Variants in CTIF observed in about 807,000 individuals in gnomAD.
CTIF encodes cap binding complex dependent translation initiation factor.
A neutral mutation model predicts 66.0 loss-of-function variants in CTIF; 21 were observed. The ratio of observed to expected loss-of-function variants is 0.32; its 90% CI spans 0.23 to 0.46. CTIF has a LOEUF of 0.46. Among genes scored for constraint, CTIF ranks in the 20% least tolerant of loss-of-function variants. CTIF has a pLI of 1.00. For missense variants in CTIF, 739 were observed against 812.7 expected (o/e 0.91, Z 1.10); for synonymous variants, 345 against 326.4 (o/e 1.06, Z -0.62).
At chr18:48,775,195 C>G (rs542340770) in intron 9 of CTIF, among the ~76,000 whole-genome samples, 12 of 152,308 alleles carry the variant, frequency 7.9e-5, no homozygotes, top group Admixed American at 3.3e-4. Flanking sequence ...CCTACACTTA[C>G]TCTTCTGTTA....
chr18:48,583,562 T>C (rs558546819), intron 1 of CTIF, among the ~76,000 whole-genome samples: 104 of 152,274 alleles, frequency 6.8e-4, no homozygotes, highest in African/African-American at 2.4e-3. Context: ...ACTCACACTT[T>C]GCTGTAATTA....
chr18:48,550,789 G>A (rs1194709299), intron 1 of CTIF, among the ~76,000 whole-genome samples: 2 of 152,136 alleles, frequency 1.3e-5, no homozygotes, highest in Non-Finnish European at 2.9e-5. Flanking sequence ...GGCTAGGGTG[G>A]TGCCGGCCAC....
intron 7 of CTIF, among the ~76,000 whole-genome samples, chr18:48,752,602 A>G (rs902973332): frequency 1.1e-4 from 16 of 152,122 alleles, no homozygotes; most frequent in Admixed American, 9.2e-4. Flanking sequence ...GACTCATGTA[A>G]TCCTTACAAC....
chr18:48,705,022 G>A (rs1216928039), intron 6 of CTIF, among the ~76,000 whole-genome samples: 2 of 152,176 alleles, frequency 1.3e-5, no homozygotes, highest in African/African-American at 4.8e-5. Context: ...GGCAGTGGTG[G>A]AGACAAGAGC....
At chr18:48,559,673 C>T (rs1049904863) in intron 1 of CTIF, among the ~76,000 whole-genome samples, 2 of 152,178 alleles carry the variant, frequency 1.3e-5, no homozygotes, top group Non-Finnish European at 1.5e-5. Context: ...GCAAGTTGTG[C>T]TGGCTGTTGG....
intron 7 of CTIF, among the ~76,000 whole-genome samples, chr18:48,714,234 G>A (rs187106614): frequency 8.5e-4 from 129 of 152,290 alleles, no homozygotes; most frequent in African/African-American, 2.9e-3. Flanking sequence ...GTGTGCAGCA[G>A]GTTCACCTTC....
intron 1 of CTIF, among the ~76,000 whole-genome samples, chr18:48,614,228 G>T (rs1335018037): frequency 1.3e-5 from 2 of 152,122 alleles, no homozygotes; most frequent in East Asian, 3.9e-4. Flanking sequence ...CAAAGCTCAG[G>T]CAGGAAGGCA....
intron 10 of CTIF, among the ~76,000 whole-genome samples, chr18:48,848,973 G>A (rs1021588968): frequency 3.3e-5 from 5 of 152,228 alleles, no homozygotes; most frequent in East Asian, 1.9e-4. Context: ...ACATTTTGCC[G>A]TTCGAGGGCA....
intron 9 of CTIF, among the ~76,000 whole-genome samples, chr18:48,789,067 C>T (rs2067737304): frequency 6.6e-6 from 1 of 152,182 alleles, no homozygotes; most frequent in African/African-American, 2.4e-5. Context: ...CCTCAGCACC[C>T]ATGGGACATG....
intron 7 of CTIF, among the ~76,000 whole-genome samples, chr18:48,716,801 G>A (rs1306670067): frequency 6.6e-6 from 1 of 152,210 alleles, no homozygotes; most frequent in East Asian, 1.9e-4. Context: ...TGCCTGTGCG[G>A]CCAGGGAGAC....
At chr18:48,620,169 T>C (rs2090468505) in intron 2 of CTIF, among the ~76,000 whole-genome samples, 1 of 152,202 alleles carries the variant, frequency 6.6e-6, no homozygotes, top group Admixed American at 6.5e-5. Context: ...ATACAAGTAG[T>C]TGTTGGTAGC....
chr18:48,814,495 G>C (rs2068322090), intron 9 of CTIF, among the ~76,000 whole-genome samples: 1 of 152,206 alleles, frequency 6.6e-6, no homozygotes, highest in Non-Finnish European at 1.5e-5. Flanking sequence ...TTCTAGTACT[G>C]TGTGGCCTTA....
intron 1 of CTIF, among the ~76,000 whole-genome samples, chr18:48,571,464 C>T (rs536221049): frequency 6.6e-6 from 1 of 152,154 alleles, no homozygotes; most frequent in Admixed American, 6.6e-5. Context: ...CCAGGTAGCA[C>T]TTTTAAAAAT....
chr18:48,576,775 C>G (rs1032569150), intron 1 of CTIF, among the ~76,000 whole-genome samples: 10 of 152,222 alleles, frequency 6.6e-5, no homozygotes, highest in Non-Finnish European at 4.4e-5. Context: ...TTAAAATTCT[C>G]CTATTTACAC....
chr18:48,665,351 C>T (rs2144932008), intron 5 of CTIF, among the ~76,000 whole-genome samples: 1 of 152,318 alleles, frequency 6.6e-6, no homozygotes, highest in African/African-American at 2.4e-5. Context: ...GCAGGGTTGC[C>T]TTCCCTTTTC....
chr18:48,772,199 T>C (rs1156689415), intron 9 of CTIF, among the ~76,000 whole-genome samples: 1 of 152,138 alleles, frequency 6.6e-6, no homozygotes, highest in Non-Finnish European at 1.5e-5. Context: ...CCTGCCCCAG[T>C]ATTATAGCAA....
intron 1 of CTIF, among the ~76,000 whole-genome samples, chr18:48,606,436 C>T (rs1396869025): frequency 6.6e-6 from 1 of 152,226 alleles, no homozygotes; most frequent in Non-Finnish European, 1.5e-5. Flanking sequence ...GATGCATGCT[C>T]TGCCTAACTG....
chr18:48,754,178 A>T (rs1421477051), intron 7 of CTIF, among the ~76,000 whole-genome samples: 1 of 152,144 alleles, frequency 6.6e-6, no homozygotes, highest in Non-Finnish European at 1.5e-5. Flanking sequence ...GTGGCCATTC[A>T]GCCCTTTGTC....
intron 1 of CTIF, among the ~76,000 whole-genome samples, chr18:48,571,889 G>A (rs1369917813): frequency 6.6e-6 from 1 of 152,218 alleles, no homozygotes; most frequent in Non-Finnish European, 1.5e-5. Flanking sequence ...GATTGTGAGA[G>A]CTGGCAAGTC....
Sources: gnomAD v4.1 joint callset for allele counts (sites outside exome capture counted in the v4.1 genomes callset) on GRCh38, gnomAD v4.1.1 for gene constraint, MANE v1.5 for transcripts, NCBI Gene and HGNC (gene_info 2026-07-23, HGNC 2026-07-21) for gene names.